The following FBXW7 variants were observed in gnomAD, a reference collection of about 807,000 sequenced individuals.
FBXW7 encodes the protein F-box and WD repeat domain containing 7, also known as F-box/WD repeat-containing protein 7.
Under a neutral mutation model 86.3 loss-of-function variants are expected in FBXW7, and 11 were observed. The ratio of observed to expected loss-of-function variants is 0.13; its 90% CI spans 0.08 to 0.21. The LOEUF is 0.21. Among genes scored for constraint, FBXW7 ranks in the 10% least tolerant of loss-of-function variants. The pLI is 1.00. For synonymous variants in FBXW7, 313 were observed against 297.9 expected, an observed-to-expected ratio of 1.05 and a Z score of -0.52; for missense variants, 488 against 847.4, an observed-to-expected ratio of 0.58 and a Z score of 5.27.
intron 4 of FBXW7, among the ~76,000 whole-genome samples, chr4:152,377,080 C>A (rs1394649672): frequency 6.6e-6 from 1 of 152,142 alleles, no homozygotes; most frequent in South Asian, 2.1e-4. Context: ...GGCCCCCAGA[C>A]TAACCCTACA....
At chr4:152,471,626 C>T (rs1018192244) in intron 2 of FBXW7, among the ~76,000 whole-genome samples, 31 of 152,032 alleles carry the variant, frequency 2.0e-4, no homozygotes, top group African/African-American at 7.5e-4. Flanking sequence ...ATGACTGGCG[C>T]AGTGGCTCAC....
chr4:152,339,921 T>TC (rs1730549631), intron 6 of FBXW7, among the ~76,000 whole-genome samples: 1 of 70,046 alleles, frequency 1.4e-5, no homozygotes, highest in African/African-American at 7.0e-5. Flanking sequence ...AGGCTTTGTC[T>TC]CAAAAAAAAA....
At chr4:152,406,801 C>A (rs1052960723) in intron 4 of FBXW7, among the ~76,000 whole-genome samples, 5 of 152,084 alleles carry the variant, frequency 3.3e-5, no homozygotes, top group African/African-American at 7.2e-5. Context: ...CTCCTATGTA[C>A]CTTTTTAAAA....
chr4:152,328,583 T>C, intron 10 of FBXW7, 194 bp from the exon 11 acceptor site: 2 of 426,688 alleles, frequency 4.7e-6, no homozygotes, highest in Non-Finnish European at 8.2e-6. Flanking sequence ...TAAATTTATA[T>C]AAGCACAAGC....
At chr4:152,430,904 G>C (rs749289234) in intron 2 of FBXW7, among the ~76,000 whole-genome samples, 1 of 152,188 alleles carries the variant, frequency 6.6e-6, no homozygotes, top group Non-Finnish European at 1.5e-5. Flanking sequence ...CCTTTGGTCA[G>C]TATTGTATCC....
rs564497256 is a variant in FBXW7, at chr4:152,442,931, T to C, written c.-119-30402A>G. Among the ~76,000 whole-genome samples, 8 of 152,324 alleles carry C rather than the reference T, an allele frequency of 5.3e-5. No homozygotes were observed. The South Asian group carries it at 1.5e-3, about 28-fold the overall frequency. ...CGCTAAAACAAAGCTCATATCTAAT[T>C]AATACATTCTAGGTGAAGATTGAAA... On this transcript the variant is annotated intron_variant, in intron 2 of 13. Coordinates refer to ENST00000281708, the MANE Select transcript of FBXW7 (RefSeq NM_001349798.2).
chr4:152,428,108 AG>A (rs955282136), intron 2 of FBXW7, among the ~76,000 whole-genome samples: 5 of 152,190 alleles, frequency 3.3e-5, no homozygotes, highest in Admixed American at 6.5e-5. Context: ...CTAATCTTGT[AG>A]GAAGTACCCA....
chr4:152,427,333 T>C (rs1739477474), intron 2 of FBXW7, among the ~76,000 whole-genome samples: 1 of 152,234 alleles, frequency 6.6e-6, no homozygotes, highest in Admixed American at 6.5e-5. Flanking sequence ...ACCACTAGCA[T>C]TTATTGATCA....
At chr4:152,351,657 A>G (rs1443603446) in intron 4 of FBXW7, among the ~76,000 whole-genome samples, 1 of 152,156 alleles carries the variant, frequency 6.6e-6, no homozygotes, top group Non-Finnish European at 1.5e-5. Flanking sequence ...GTCAGTACAG[A>G]CTATGTTAAA....
chr4:152,360,518 G>A (rs1732834314), intron 4 of FBXW7, among the ~76,000 whole-genome samples: 1 of 151,994 alleles, frequency 6.6e-6, no homozygotes, highest in Non-Finnish European at 1.5e-5. Context: ...TATTCAAAAA[G>A]GTATAGCTCA....
rs915795065 is a variant in FBXW7, at chr4:152,326,239, G to A, written c.1419-8C>T. ...CGAGAACCGCTAACAACTCTGCAGA[G>A]GGAGAAACAGAAAAACAAAACAAAA... On this transcript the variant is annotated splice_region_variant and splice_polypyrimidine_tract_variant and intron_variant, in intron 11 of 13. Coordinates refer to ENST00000281708, the MANE Select transcript of FBXW7 (RefSeq NM_001349798.2). 7 of 1,599,396 alleles carry A rather than the reference G, an allele frequency of 4.4e-6. No individual in the cohort carries two copies. Among genetic ancestry groups the A allele is most frequent in the Non-Finnish European group, 6.0e-6 (7 of 1,171,382 alleles).
Position 152,347,008 on chromosome 4 carries a change from A to G in FBXW7, c.648T>C (p.Asn216=), listed in dbSNP as rs779210342. The part of the protein sequence containing the change: ...PTTFGDLRAA[N]GQGQQRRRIT... ...TTCGGCGTCGTTGTTGCCCTTGGCC[A>G]TTGGCTGCTCTGAGGTCCCCAAAAG... Residue 216 remains asparagine (N), a synonymous_variant, in exon 6 of 14, where the codon AAT becomes AAC. Coordinates refer to ENST00000281708, the MANE Select transcript of FBXW7 (RefSeq NM_001349798.2). 1.2e-6 allele frequency: 2 copies of G among 1,613,408 alleles called. No homozygotes were observed. Among genetic ancestry groups the G allele is most frequent in the South Asian group, 1.1e-5 (1 of 91,026 alleles).
intron 11 of FBXW7, among the ~76,000 whole-genome samples, chr4:152,326,984 T>A (rs968527478): frequency 6.6e-6 from 1 of 152,110 alleles, no homozygotes; most frequent in Non-Finnish European, 1.5e-5. Context: ...AACATTTGGT[T>A]CAACATCAGC....
At chr4:152,396,879 A>G (rs1231303336) in intron 4 of FBXW7, among the ~76,000 whole-genome samples, 1 of 152,062 alleles carries the variant, frequency 6.6e-6, no homozygotes, top group Middle Eastern at 3.2e-3. Context: ...CAGTGACTTT[A>G]AAATAATTGT....
chr4:152,324,504 G>A (rs1728830894), intron 12 of FBXW7, 110 bp from the exon 13 acceptor site: 1 of 824,480 alleles, frequency 1.2e-6, no homozygotes, highest in East Asian at 2.7e-5. Flanking sequence ...GGTAATGCCA[G>A]GAACAAAATG....
At chr4:152,365,626 A>G (rs1162126788) in intron 4 of FBXW7, among the ~76,000 whole-genome samples, 1 of 152,178 alleles carries the variant, frequency 6.6e-6, no homozygotes. Flanking sequence ...GTGCAATTGG[A>G]TAACAAGGAC....
At chr4:152,525,533 A>G (rs546703529) in intron 2 of FBXW7, among the ~76,000 whole-genome samples, 4 of 152,292 alleles carry the variant, frequency 2.6e-5, no homozygotes, top group Admixed American at 6.5e-5. Context: ...GCTCCCACTT[A>G]TAAGTGAGAA....
intron 4 of FBXW7, among the ~76,000 whole-genome samples, chr4:152,381,984 G>A (rs1035990148): frequency 6.6e-6 from 1 of 152,020 alleles, no homozygotes; most frequent in African/African-American, 2.4e-5. Flanking sequence ...ATAAATGAGA[G>A]AAAAAGGTGA....
At chr4:152,364,028 A>G (rs1733227397) in intron 4 of FBXW7, among the ~76,000 whole-genome samples, 1 of 152,228 alleles carries the variant, frequency 6.6e-6, no homozygotes, top group Non-Finnish European at 1.5e-5. Flanking sequence ...CACTAGAGCC[A>G]CTGCAGACTT....
Sources: allele counts gnomAD v4.1 joint callset (sites outside exome capture counted in the v4.1 genomes callset), GRCh38; gene constraint gnomAD v4.1.1; transcripts MANE v1.5; gene names NCBI Gene and HGNC (gene_info 2026-07-23, HGNC 2026-07-21).